ZNF385D: variants seen among roughly 807,000 people sequenced by gnomAD.
ZNF385D encodes zinc finger protein 659.
In ZNF385D, 15 loss-of-function variants were observed where a neutral mutation model predicts 35.8. The observed-to-expected ratio is 0.42, with a 90% CI of 0.28 to 0.64. The LOEUF is 0.64. Among genes scored for constraint, ZNF385D ranks in the 30% least tolerant of loss-of-function variants. The pLI, the probability that ZNF385D is intolerant of heterozygous loss-of-function variation, is 0.23. For missense variants in ZNF385D, 474 were observed against 494.6 expected (o/e 0.96, Z 0.39); for synonymous variants, 212 against 186.8 (o/e 1.13, Z -1.10).
intron 3 of ZNF385D, among the ~76,000 whole-genome samples, chr3:22,078,094 G>A (rs1203980125): frequency 3.9e-5 from 6 of 151,946 alleles, no homozygotes; most frequent in Non-Finnish European, 5.9e-5. Context: ...AGTTTCCCCG[G>A]ATTCCTTCTC....
At chr3:21,800,918 T>A (rs560898131) in intron 3 of ZNF385D, among the ~76,000 whole-genome samples, 1 of 152,282 alleles carries the variant, frequency 6.6e-6, no homozygotes, top group South Asian at 2.1e-4. Flanking sequence ...ACCTTTTTGT[T>A]CCTGATTTTA....
At chr3:21,968,848 G>A (rs1018768474) in intron 3 of ZNF385D, among the ~76,000 whole-genome samples, 5 of 152,180 alleles carry the variant, frequency 3.3e-5, no homozygotes, top group African/African-American at 1.2e-4. Flanking sequence ...GAGAAAAAAA[G>A]TAAAGAGGAC....
chr3:22,305,274 T>TA (rs1304686096), intron 2 of ZNF385D, among the ~76,000 whole-genome samples: 1 of 152,220 alleles, frequency 6.6e-6, no homozygotes, highest in Non-Finnish European at 1.5e-5. Context: ...AGTAGTATGC[T>TA]ACTTTTTTGT....
intron 3 of ZNF385D, among the ~76,000 whole-genome samples, chr3:21,927,862 G>A (rs535783448): frequency 6.6e-6 from 1 of 152,214 alleles, no homozygotes; most frequent in East Asian, 1.9e-4. Context: ...GACAATAGTT[G>A]CAGACATCAA....
At chr3:22,019,843 T>C (rs1221480828) in intron 3 of ZNF385D, among the ~76,000 whole-genome samples, 2 of 151,842 alleles carry the variant, frequency 1.3e-5, no homozygotes, top group African/African-American at 4.8e-5. Flanking sequence ...TGATAGAGCA[T>C]TAAACCAAGC....
At chr3:21,964,655 A>G (rs980117785) in intron 3 of ZNF385D, among the ~76,000 whole-genome samples, 1 of 151,362 alleles carries the variant, frequency 6.6e-6, no homozygotes, top group African/African-American at 2.4e-5. Context: ...ATGCCCTGCT[A>G]ATTTTTTTGT....
intron 2 of ZNF385D, among the ~76,000 whole-genome samples, chr3:21,663,890 A>AATATATATATATATATAT (rs66691637): frequency 0.026 from 1,672 of 63,850 alleles, 103 homozygotes; most frequent in Non-Finnish European, 0.034. Flanking sequence ...TTGTGGGCCG[A>AATATATATATATATATAT]ATATATATAT....
At chr3:21,863,171 T>C (rs988526054) in intron 3 of ZNF385D, among the ~76,000 whole-genome samples, 4 of 152,208 alleles carry the variant, frequency 2.6e-5, no homozygotes, top group Admixed American at 2.0e-4. Flanking sequence ...GCAAAATAAT[T>C]TACTGATATT....
chr3:21,930,863 A>G (rs1700971663), intron 3 of ZNF385D, among the ~76,000 whole-genome samples: 2 of 152,146 alleles, frequency 1.3e-5, no homozygotes, highest in Non-Finnish European at 2.9e-5. Flanking sequence ...ACTATGAGAT[A>G]TACAGGAGAA....
chr3:22,366,489 C>T (rs959371029), intron 2 of ZNF385D, among the ~76,000 whole-genome samples: 1 of 152,066 alleles, frequency 6.6e-6, no homozygotes. Context: ...ACAATCTGAT[C>T]AAAATTAAAA....
At chr3:21,444,346 C>T (rs1378951162) in intron 4 of ZNF385D, among the ~76,000 whole-genome samples, 2 of 150,132 alleles carry the variant, frequency 1.3e-5, no homozygotes, top group Non-Finnish European at 3.0e-5. Flanking sequence ...TCCAAAAGTG[C>T]TGGGATTACG....
chr3:22,060,863 A>G (rs1289849344), intron 3 of ZNF385D, among the ~76,000 whole-genome samples: 1 of 152,100 alleles, frequency 6.6e-6, no homozygotes, highest in Non-Finnish European at 1.5e-5. Flanking sequence ...TAATTGCTTC[A>G]TTATTCAATT....
At chr3:22,078,602 T>C (rs1700585063) in intron 3 of ZNF385D, among the ~76,000 whole-genome samples, 1 of 152,050 alleles carries the variant, frequency 6.6e-6, no homozygotes, top group Non-Finnish European at 1.5e-5. Flanking sequence ...ACAAAAGCAG[T>C]AATGCCTGGT....
rs1189535693 is a variant in ZNF385D at position 21,984,233 on chromosome 3, C to G, written c.325+184584G>C. Reference sequence around the variant, plus strand: ...GCTTTTGGTGTTTTGGACCTGAAGTCCTTGGCCACGCCTATGTCCTGAATG... The same window carrying G: ...GCTTTTGGTGTTTTGGACCTGAAGTGCTTGGCCACGCCTATGTCCTGAATG... On this transcript the variant is annotated intron_variant, in intron 3 of 5. Transcript: ENST00000494108. Among the ~76,000 whole-genome samples the G allele has an allele frequency of 4.7e-5, 7 of 147,480 alleles. No individual in the cohort carries two copies. In the East Asian group the frequency reaches 1.4e-3, roughly 29 times the overall value.
chr3:21,642,279 T>G (rs1446386446), intron 2 of ZNF385D, among the ~76,000 whole-genome samples: 1 of 152,086 alleles, frequency 6.6e-6, no homozygotes, highest in Non-Finnish European at 1.5e-5. Context: ...AAGACCCCTT[T>G]CTCTGCAGCA....
chr3:22,004,405 A>T (rs1429511673), intron 3 of ZNF385D, among the ~76,000 whole-genome samples: 1 of 152,212 alleles, frequency 6.6e-6, no homozygotes, highest in Non-Finnish European at 1.5e-5. Context: ...CAAAAGCACA[A>T]GCAACAAAAA....
At chr3:22,130,652 C>A (rs1703729380) in intron 3 of ZNF385D, among the ~76,000 whole-genome samples, 1 of 152,186 alleles carries the variant, frequency 6.6e-6, no homozygotes, top group Non-Finnish European at 1.5e-5. Flanking sequence ...AGCACAGATT[C>A]TCTCTTCCCA....
chr3:22,125,704 C>T (rs1174682928), intron 3 of ZNF385D, among the ~76,000 whole-genome samples: 1 of 151,882 alleles, frequency 6.6e-6, no homozygotes, highest in African/African-American at 2.4e-5. Context: ...AAATTATATT[C>T]TTGATTTATC....
chr3:21,978,878 T>TA (rs1196713770), intron 3 of ZNF385D, among the ~76,000 whole-genome samples: 3 of 151,666 alleles, frequency 2.0e-5, no homozygotes, highest in East Asian at 1.9e-4. Context: ...ATATTCAACT[T>TA]AAAAAAAATT....
Sources: gnomAD v4.1 joint callset for allele counts (sites outside exome capture counted in the v4.1 genomes callset) on GRCh38, gnomAD v4.1.1 for gene constraint, MANE v1.5 for transcripts, NCBI Gene and HGNC (gene_info 2026-07-23, HGNC 2026-07-21) for gene names.